Variants in EDIL3 observed in about 807,000 individuals in gnomAD.
The protein encoded by EDIL3 is EGF-like repeat and discoidin I-like domain-containing protein 3.
In EDIL3, 37 loss-of-function variants were observed where a neutral mutation model predicts 67.4. That is an observed-to-expected ratio of 0.55 (90% CI 0.42 to 0.72). The LOEUF (loss-of-function observed/expected upper bound fraction) is 0.72, where lower values mean the gene tolerates loss of function less well. Among genes scored for constraint, EDIL3 ranks in the 30% least tolerant of loss-of-function variants. The pLI, the probability that EDIL3 is intolerant of heterozygous loss-of-function variation, is 0.00. For synonymous variants in EDIL3, 195 were observed against 196.3 expected (o/e 0.99, Z 0.05); for missense variants, 527 against 586.3 (o/e 0.90, Z 1.04).
chr5:84,292,401 T>C (rs1427645409), intron 1 of EDIL3, among the ~76,000 whole-genome samples: 1 of 152,164 alleles, frequency 6.6e-6, no homozygotes, highest in Admixed American at 6.5e-5. Context: ...TAAGACATAG[T>C]GTCCCGGAGC....
At chr5:84,062,099 T>A (rs1382279681) in intron 8 of EDIL3, among the ~76,000 whole-genome samples, 1 of 151,990 alleles carries the variant, frequency 6.6e-6, no homozygotes, top group Non-Finnish European at 1.5e-5. Context: ...ACGAGTACAT[T>A]TTGGTATAGG....
At chr5:84,039,156 A>T (rs1382332951) in intron 9 of EDIL3, among the ~76,000 whole-genome samples, 3 of 151,682 alleles carry the variant, frequency 2.0e-5, no homozygotes, top group Admixed American at 2.0e-4. Flanking sequence ...AACAGCTTTG[A>T]GGATTTTAAA....
intron 9 of EDIL3, among the ~76,000 whole-genome samples, chr5:83,970,564 C>T (rs1744773546): frequency 6.9e-6 from 1 of 145,250 alleles, no homozygotes; most frequent in Non-Finnish European, 1.5e-5. Context: ...GTTTTCCTTT[C>T]AAGTTTTATT....
intron 9 of EDIL3, among the ~76,000 whole-genome samples, chr5:84,012,775 G>T (rs560778789): frequency 9.9e-4 from 151 of 152,050 alleles, no homozygotes; most frequent in African/African-American, 3.4e-3. Flanking sequence ...CTAAACTATT[G>T]AAAGAGATGA....
chr5:84,368,742 A>G (rs1221713024), intron 1 of EDIL3, among the ~76,000 whole-genome samples: 1 of 152,134 alleles, frequency 6.6e-6, no homozygotes, highest in Non-Finnish European at 1.5e-5. Flanking sequence ...AGGAATTAAT[A>G]TCCAGAATAT....
At chr5:84,176,041 C>A (rs552267157) in intron 4 of EDIL3, among the ~76,000 whole-genome samples, 55 of 151,338 alleles carry the variant, frequency 3.6e-4, no homozygotes, top group African/African-American at 1.2e-3. Flanking sequence ...TGATTCATGA[C>A]CCCAATAAAT....
chr5:84,107,466 ACT>A (rs1395273204), intron 5 of EDIL3, among the ~76,000 whole-genome samples: 2 of 151,580 alleles, frequency 1.3e-5, no homozygotes, highest in East Asian at 1.9e-4. Flanking sequence ...GAGCAGGTAA[ACT>A]CTCTGACAAC....
chr5:84,016,536 A>G (rs1298519462), intron 9 of EDIL3, among the ~76,000 whole-genome samples: 1 of 152,156 alleles, frequency 6.6e-6, no homozygotes, highest in Non-Finnish European at 1.5e-5. Context: ...CCAAAATAAC[A>G]ACTTTTTGAG....
chr5:84,259,020 C>T (rs1224680845), intron 1 of EDIL3, among the ~76,000 whole-genome samples: 2 of 132,198 alleles, frequency 1.5e-5, no homozygotes, highest in Non-Finnish European at 1.5e-5. Flanking sequence ...TGTGCAGTGG[C>T]GCGATCTCAG....
At position 84,037,365 on chromosome 5, in the gene EDIL3, A is replaced by G. The variant is rs528844735; in HGVS notation, c.1137+22935T>C. Among the ~76,000 whole-genome samples, 10 of 152,342 alleles carry G rather than the reference A, an allele frequency of 6.6e-5. No homozygotes were observed. In the South Asian group the frequency reaches 1.4e-3, roughly 22 times the overall value. The stretch of plus-strand genomic sequence containing the variant: ...CATTTTGTTTACCAGCAGAAAAAAT[A>G]GTAAGTTTGATTTACTCATCTTTGG... On this transcript the variant is annotated intron_variant, in intron 9 of 10. Coordinates refer to ENST00000296591, the MANE Select transcript of EDIL3 (RefSeq NM_005711.5).
At chr5:83,950,284 A>C (rs1342211736) in intron 10 of EDIL3, among the ~76,000 whole-genome samples, 1 of 151,844 alleles carries the variant, frequency 6.6e-6, no homozygotes, top group Admixed American at 6.6e-5. Flanking sequence ...CAAACCTGAG[A>C]ATGATCTTGG....
At chr5:83,976,122 T>C (rs1226080939) in intron 9 of EDIL3, among the ~76,000 whole-genome samples, 3 of 151,888 alleles carry the variant, frequency 2.0e-5, no homozygotes, top group Non-Finnish European at 4.4e-5. Context: ...CACATATATA[T>C]TTATACTGCC....
intron 10 of EDIL3, among the ~76,000 whole-genome samples, chr5:83,949,696 C>T (rs1015488780): frequency 1.3e-5 from 2 of 151,728 alleles, no homozygotes; most frequent in Admixed American, 6.6e-5. Flanking sequence ...GTAAGCATAG[C>T]GTTTACAGAC....
Position 84,122,041 on chromosome 5 carries a change from C to A in EDIL3, c.469+15200G>T, listed in dbSNP as rs527756316. On this transcript the variant is annotated intron_variant, in intron 5 of 10. Coordinates refer to ENST00000296591, the MANE Select transcript of EDIL3 (RefSeq NM_005711.5). The stretch of plus-strand genomic sequence containing the variant: ...GAGGCAAACATAACAGACAGTATCT[C>A]CCTCTAGGATGGTTCTCTACCTTGC... 1.2e-4 allele frequency among the ~76,000 whole-genome samples: 19 copies of A among 152,018 alleles called. No individual in the cohort carries two copies. The South Asian group carries it at 3.5e-3, about 28-fold the overall frequency.
chr5:84,064,637 A>G, intron 8 of EDIL3, 63 bp downstream of exon 8: 2 of 1,525,562 alleles, frequency 1.3e-6, no homozygotes, highest in South Asian at 1.3e-5. Flanking sequence ...GTAACAGGCT[A>G]CATACAAATA....
At chr5:84,324,633 G>GA (rs1746716729) in intron 1 of EDIL3, among the ~76,000 whole-genome samples, 1 of 150,654 alleles carries the variant, frequency 6.6e-6, no homozygotes, top group African/African-American at 2.4e-5. Flanking sequence ...TTGATTCCAT[G>GA]AAAAAAATCA....
Position 84,194,760 on chromosome 5 carries a change from A to C in EDIL3, c.227-14239T>G, listed in dbSNP as rs562545249. ...TATGTTACATTAATCACATGAATAT[A>C]GATGGGCAACTTCACTACATTTCCT... On this transcript the variant is annotated intron_variant, in intron 3 of 10. Transcript: ENST00000296591. 9.9e-5 allele frequency among the ~76,000 whole-genome samples: 15 copies of C among 152,074 alleles called. No individual in the cohort carries two copies. In the South Asian group the frequency reaches 3.1e-3, roughly 31 times the overall value.
intron 10 of EDIL3, among the ~76,000 whole-genome samples, chr5:83,956,257 G>C (rs1008844326): frequency 5.3e-5 from 8 of 151,690 alleles, no homozygotes; most frequent in Admixed American, 1.3e-4. Context: ...CATCTTAGTT[G>C]TTCTTGGATC....
chr5:84,225,046 T>G (rs1027033479), intron 3 of EDIL3, among the ~76,000 whole-genome samples: 1 of 151,592 alleles, frequency 6.6e-6, no homozygotes, highest in Non-Finnish European at 1.5e-5. Flanking sequence ...TATCTGAATT[T>G]AAGATTCAAG....
Sources: allele counts gnomAD v4.1 joint callset (sites outside exome capture counted in the v4.1 genomes callset), GRCh38; gene constraint gnomAD v4.1.1; transcripts MANE v1.5; gene names NCBI Gene and HGNC (gene_info 2026-07-23, HGNC 2026-07-21).